The following PTMS variants were observed in gnomAD, a reference collection of about 807,000 sequenced individuals.
PTMS encodes parathymosin.
A neutral mutation model predicts 18.4 loss-of-function variants in PTMS; 5 were observed. The ratio of observed to expected loss-of-function variants is 0.27; its 90% confidence interval spans 0.14 to 0.57. The LOEUF is 0.57. PTMS is among the 20% of genes least tolerant of loss of function. PTMS has a pLI of 0.92. For missense variants in PTMS, 93 were observed against 124.6 expected (o/e 0.75, Z 1.21); for synonymous variants, 53 against 47.7 (o/e 1.11, Z -0.46).
intron 1 of PTMS, among the ~76,000 whole-genome samples, chr12:6,768,465 G>T (rs1198998889): frequency 6.6e-6 from 1 of 152,144 alleles, no homozygotes; most frequent in Non-Finnish European, 1.5e-5. Flanking sequence ...CAGGGCAGCC[G>T]TTCTGCACCA....
At position 6,770,033 on chromosome 12, in the gene PTMS, G is replaced by A; in HGVS notation, c.196+34G>A. 1 of 1,568,814 alleles carries A rather than the reference G, an allele frequency of 6.4e-7. No homozygotes were observed. Among genetic ancestry groups the A allele is most frequent in the Non-Finnish European group, 8.6e-7 (1 of 1,157,342 alleles). On this transcript the variant is annotated intron_variant, in intron 3 of 4. Transcript: ENST00000309083. The surrounding 1 kb of genome is among the most constrained non-coding windows in gnomAD (Gnocchi z 7.3). ...GGGCAGGGGAGGCTGGGCTGGCAAAGTCTGGGCTCAAAGGAGAGCAGAGTC... is the reference window on the plus strand; with the variant it reads ...GGGCAGGGGAGGCTGGGCTGGCAAAATCTGGGCTCAAAGGAGAGCAGAGTC...
intron 1 of PTMS, 114 bp from the exon 2 acceptor site, chr12:6,769,489 C>T: frequency 8.6e-7 from 1 of 1,169,160 alleles, no homozygotes; most frequent in South Asian, 1.2e-5. Flanking sequence ...GCTGTGGCCA[C>T]CTTATTCAGT....
chr12:6,766,506 A>AACC lies in PTMS; in HGVS notation c.-200_-199insACC. On this transcript the variant is annotated 5_prime_UTR_variant, in exon 1 of 5. Transcript: ENST00000309083. ...GCAGCCCTGCGGGTCTCCGCTCCAG[A>AACC]CCCACCCCCGCCCCACCCCGCGCGC... is the stretch of plus-strand genomic sequence containing the variant. 4.3e-6 allele frequency: 1 copy of AACC among 233,642 alleles called. No individual in the cohort carries two copies. The allele number at this position is 233,642 out of a possible 1,614,324, so 14.5% of individuals were successfully genotyped here.
chr12:6,766,451 ACCGCCCTTCCGC>A lies in PTMS; in HGVS notation c.-247_-236del, dbSNP rs1941765561. On this transcript the variant is annotated 5_prime_UTR_variant, in exon 1 of 5. Coordinates refer to ENST00000309083, the MANE Select transcript of PTMS (RefSeq NM_002824.6). ...GCCGAGCGCGCCGGCCACCGCCTGC[ACCGCCCTTCCGC>A]CCGCCCTCCGGACGGCCGCAGCCCT... is the stretch of plus-strand genomic sequence containing the variant. 4.5e-6 allele frequency: 1 copy of A among 220,704 alleles called. No homozygotes were observed. The highest frequency in any genetic ancestry group is 9.0e-6 in the Non-Finnish European group (1 of 110,974). 13.7% of individuals were successfully genotyped at this position (220,704 alleles called of 1,614,324 possible). A position where few individuals can be genotyped will look rare whatever the true frequency, so the allele number is the denominator to read the frequency against.
rs923033313 is a variant in PTMS at position 6,766,679 on chromosome 12, GCCAGCC to G, written c.-24_-19del. 2.3e-5 allele frequency: 26 copies of G among 1,117,786 alleles called. No individual in the cohort carries two copies. Among genetic ancestry groups the G allele is most frequent in the Middle Eastern group, 3.8e-4 (1 of 2,658 alleles). The allele number at this position is 1,117,786 out of a possible 1,614,324, so 69.2% of individuals were successfully genotyped here. ...CTCGGCCCCGGGACCCCGGCTCCCC[GCCAGCC>G]CCGGCCCCGGCCCCGGCACCATGTC... On this transcript the variant is annotated 5_prime_UTR_variant, in exon 1 of 5. Transcript: ENST00000309083.
In PTMS at chr12:6,770,445, C is replaced by T; in HGVS notation, c.*3C>T. On this transcript the variant is annotated 3_prime_UTR_variant, in exon 5 of 5. Coordinates refer to ENST00000309083, the MANE Select transcript of PTMS (RefSeq NM_002824.6). The surrounding 1 kb of genome is among the most constrained non-coding windows in gnomAD (Gnocchi z 7.3). The stretch of plus-strand genomic sequence containing the variant: ...CAGAAAATGGGGCATCGGCGTGAGC[C>T]CCTGCCAACAGGCTGGGGTTGGGAG... The T allele has an allele frequency of 6.2e-7, 1 of 1,613,444 alleles. No individual in the cohort carries two copies. The highest frequency in any genetic ancestry group is 1.1e-5 in the South Asian group (1 of 91,036).
intron 1 of PTMS, 116 bp downstream of exon 1, chr12:6,766,866 G>A: frequency 1.6e-6 from 1 of 628,934 alleles, no homozygotes; most frequent in Non-Finnish European, 2.0e-6. Context: ...GGTCCTGGCG[G>A]ACCCCACTGC....
In PTMS at chr12:6,770,318, G is replaced by A; in HGVS notation, c.259-74G>A. 1 of 1,608,474 alleles carries A rather than the reference G, an allele frequency of 6.2e-7. No homozygotes were observed. Among genetic ancestry groups the A allele is most frequent in the Non-Finnish European group, 8.5e-7 (1 of 1,174,880 alleles). On this transcript the variant is annotated intron_variant, in intron 4 of 4. Transcript: ENST00000309083. This position sits in a 1 kb window ranked among gnomAD's most constrained non-coding sequence, Gnocchi z 7.3. ...AGATCCCTGTGTGGCAGGGGTGGGG[G>A]CTGGAACAGGACCGGGACAGGGGGA... is the stretch of plus-strand genomic sequence containing the variant.
intron 1 of PTMS, chr12:6,767,560 G>A (rs910059775): frequency 6.6e-6 from 1 of 150,624 alleles, no homozygotes; most frequent in Non-Finnish European, 1.5e-5. Context: ...CCGGGGTTTG[G>A]GGGCTGGGAG....
chr12:6,770,782 T>G lies in PTMS; in HGVS notation c.*340T>G. 7.9e-6 allele frequency: 3 copies of G among 380,494 alleles called. No individual in the cohort carries two copies. The highest frequency in any genetic ancestry group is 1.5e-5 in the Non-Finnish European group (3 of 200,526). 23.6% of individuals were successfully genotyped at this position (380,494 alleles called of 1,614,324 possible). On this transcript the variant is annotated 3_prime_UTR_variant, in exon 5 of 5. Coordinates refer to ENST00000309083, the MANE Select transcript of PTMS (RefSeq NM_002824.6). This position sits in a 1 kb window ranked among gnomAD's most constrained non-coding sequence, Gnocchi z 7.3. Reference sequence around the variant, plus strand: ...CTAACCTCTGCATCCCCCAGCCTCATGTCCTGCCCCATCCCTATCCTGCCT... The same window carrying G: ...CTAACCTCTGCATCCCCCAGCCTCAGGTCCTGCCCCATCCCTATCCTGCCT...
At chr12:6,768,937 T>A in intron 1 of PTMS, 1 of 152,456 alleles carries the variant, frequency 6.6e-6, no homozygotes, top group Non-Finnish European at 1.5e-5. Context: ...AATGGCTACT[T>A]CCACTACACC....
intron 2 of PTMS, 100 bp from the exon 3 acceptor site, chr12:6,769,809 CCCTGTGGCCCAT>C (rs1386413103): frequency 6.2e-6 from 10 of 1,605,600 alleles, no homozygotes; most frequent in Non-Finnish European, 8.5e-6. Flanking sequence ...TGCTGCCCCA[CCCTGTGGCCCAT>C]CCCAAGCCCT....
In PTMS at chr12:6,766,643, G is replaced by A. The variant is rs1941769137; in HGVS notation, c.-63G>A. On this transcript the variant is annotated 5_prime_UTR_variant, in exon 1 of 5. Transcript: ENST00000309083. ...GCCGCGGCCACCCTCCGCCGTCCAG[G>A]GCCCCTCCGTCTCGGCCCCGGGACC... The A allele has an allele frequency of 4.0e-6, 4 of 1,011,090 alleles. No homozygotes were observed. The South Asian group carries it at 1.2e-4, about 31-fold the overall frequency. The allele number at this position is 1,011,090 out of a possible 1,614,324, so 62.6% of individuals were successfully genotyped here.
In PTMS at chr12:6,766,717, A is replaced by G. The variant is rs1411942980; in HGVS notation, c.12A>G (p.Lys4=). ...CCGGCCCCGGCACCATGTCGGAGAA[A>G]AGCGTGGAGGCAGCGGCCGAGTTGA... MSE[K]SVEAAAELSA... Residue 4 remains lysine, a synonymous_variant, in exon 1 of 5, where the codon AAA becomes AAG. Coordinates refer to ENST00000309083, the MANE Select transcript of PTMS (RefSeq NM_002824.6). The G allele has an allele frequency of 5.4e-6, 6 of 1,114,332 alleles. No individual in the cohort carries two copies. Among genetic ancestry groups the G allele is most frequent in the Non-Finnish European group, 6.6e-6 (6 of 912,522 alleles). The allele number at this position is 1,114,332 out of a possible 1,614,324, so 69.0% of individuals were successfully genotyped here. A position where few individuals can be genotyped will look rare whatever the true frequency, so the allele number is the denominator to read the frequency against.
At position 6,770,887 on chromosome 12, in the gene PTMS, C is replaced by T; in HGVS notation, c.*445C>T. The T allele has an allele frequency of 5.6e-6, 1 of 178,228 alleles. No individual in the cohort carries two copies. Among genetic ancestry groups the T allele is most frequent in the Non-Finnish European group, 1.2e-5 (1 of 83,764 alleles). 11.0% of individuals were successfully genotyped at this position (178,228 alleles called of 1,614,324 possible). A position where few individuals can be genotyped will look rare whatever the true frequency, so the allele number is the denominator to read the frequency against. The stretch of plus-strand genomic sequence containing the variant: ...GGGCCGGGGTTGGGGCCGAGCCCCA[C>T]AGCTGCCCCCCTCCCCTCCCTTTTT... On this transcript the variant is annotated 3_prime_UTR_variant, in exon 5 of 5. Coordinates refer to ENST00000309083, the MANE Select transcript of PTMS (RefSeq NM_002824.6). The surrounding 1 kb of genome is among the most constrained non-coding windows in gnomAD (Gnocchi z 7.3).
chr12:6,769,526 G>C (rs1199790024), intron 1 of PTMS, 77 bp from the exon 2 acceptor site: 2 of 1,479,524 alleles, frequency 1.4e-6, no homozygotes, highest in African/African-American at 2.8e-5. Context: ...TCACTACAGA[G>C]GGAGAACTGG....
In PTMS at chr12:6,770,325, C is replaced by G. The variant is rs373982816; in HGVS notation, c.259-67C>G. The G allele has an allele frequency of 5.9e-5, 95 of 1,608,476 alleles. No individual in the cohort carries two copies. The African/African-American group carries it at 9.5e-4, about 16-fold the overall frequency. On this transcript the variant is annotated intron_variant, in intron 4 of 4. Transcript: ENST00000309083. This position sits in a 1 kb window ranked among gnomAD's most constrained non-coding sequence, Gnocchi z 7.3. ...TGTGTGGCAGGGGTGGGGGCTGGAACAGGACCGGGACAGGGGGAGGTCTCC... is the reference window on the plus strand; with the variant it reads ...TGTGTGGCAGGGGTGGGGGCTGGAAGAGGACCGGGACAGGGGGAGGTCTCC...
chr12:6,770,004 G>T lies in PTMS; in HGVS notation c.196+5G>T. The T allele has an allele frequency of 3.9e-6, 6 of 1,557,760 alleles. No homozygotes were observed. Among genetic ancestry groups the T allele is most frequent in the East Asian group, 2.4e-5 (1 of 41,200 alleles). On this transcript the variant is annotated splice_donor_5th_base_variant and intron_variant, in intron 3 of 4. Coordinates refer to ENST00000309083, the MANE Select transcript of PTMS (RefSeq NM_002824.6). The surrounding 1 kb of genome is among the most constrained non-coding windows in gnomAD (Gnocchi z 7.3). Reference sequence around the variant, plus strand: ...AAGATGAAGGGGAAGAAGAAGGTGGGGAGGGGCAGGGGAGGCTGGGCTGGC... The same window carrying T: ...AAGATGAAGGGGAAGAAGAAGGTGGTGAGGGGCAGGGGAGGCTGGGCTGGC...
At chr12:6,767,609 G>GGC in intron 1 of PTMS, 1 of 136,712 alleles carries the variant, frequency 7.3e-6, no homozygotes, top group Non-Finnish European at 1.6e-5. Flanking sequence ...GGGGGGGGGG[G>GGC]GCGCGGTGGT....
Sources: gnomAD v4.1 joint callset for allele counts (sites outside exome capture counted in the v4.1 genomes callset) on GRCh38, gnomAD v4.1.1 for gene constraint, Gnocchi (gnomAD v3.1) non-coding constraint, MANE v1.5 for transcripts, NCBI Gene and HGNC (gene_info 2026-07-23, HGNC 2026-07-21) for gene names.